Variants in RAPH1 observed in about 807,000 individuals in gnomAD.
The protein encoded by RAPH1 is Ras association (RalGDS/AF-6) and pleckstrin homology domains 1, also known as ras-associated and pleckstrin homology domains-containing protein 1.
In RAPH1, 18 loss-of-function variants were observed where a neutral mutation model predicts 88.1. The observed-to-expected ratio is 0.20, with a 90% CI of 0.14 to 0.30. The LOEUF (loss-of-function observed/expected upper bound fraction) is 0.30. Ranked by LOEUF, RAPH1 falls within the 10% of genes least tolerant of loss-of-function variation. The pLI is 1.00. For missense variants in RAPH1, 1,448 were observed against 1,543.2 expected (o/e 0.94, Z 1.03); for synonymous variants, 587 against 559.0 (o/e 1.05, Z -0.71).
intron 4 of RAPH1, chr2:203,470,429 C>A: frequency 1.7e-6 from 1 of 579,456 alleles, no homozygotes; most frequent in Non-Finnish European, 3.0e-6. Context: ...TAATTAATCT[C>A]ATATCTTTTC....
At chr2:203,483,162 AG>A (rs1418888204) in intron 4 of RAPH1, among the ~76,000 whole-genome samples, 4 of 152,208 alleles carry the variant, frequency 2.6e-5, no homozygotes, top group African/African-American at 9.6e-5. Context: ...TGAGATGCAA[AG>A]CCTTTAGGTT....
intron 2 of RAPH1, among the ~76,000 whole-genome samples, chr2:203,494,624 C>T (rs1197507246): frequency 6.6e-6 from 1 of 151,882 alleles, no homozygotes; most frequent in East Asian, 1.9e-4. Flanking sequence ...CTGGCTAACA[C>T]AGTGAAACCC....
At chr2:203,449,982 C>G (rs377671123) in intron 10 of RAPH1, among the ~76,000 whole-genome samples, 1 of 148,444 alleles carries the variant, frequency 6.7e-6, no homozygotes. Context: ...AAGATCGTGC[C>G]ACCGCACTCC....
chr2:203,455,087 A>C (rs534763471), intron 9 of RAPH1, among the ~76,000 whole-genome samples: 16 of 152,308 alleles, frequency 1.1e-4, no homozygotes, highest in East Asian at 7.7e-4. Flanking sequence ...TTAGCAGAAG[A>C]AGCATATTAC....
In RAPH1 at chr2:203,505,306, C is replaced by T. The variant is rs146013121; in HGVS notation, c.1-9953G>A. On this transcript the variant is annotated intron_variant, in intron 1 of 13. Coordinates refer to ENST00000319170, the MANE Select transcript of RAPH1 (RefSeq NM_213589.3). The stretch of plus-strand genomic sequence containing the variant: ...GAATCATGGTGGGAGGCAAAAGGCA[C>T]TTCTTACATGGCGGTGGCAAGAGAA... Among the ~76,000 whole-genome samples, 118 of 152,252 alleles carry T rather than the reference C, an allele frequency of 7.8e-4. 1 individual carries two copies. Among genetic ancestry groups the T allele is most frequent in the Middle Eastern group, 3.4e-3 (1 of 294 alleles).
chr2:203,450,897 G>GTT (rs561396388), intron 10 of RAPH1, among the ~76,000 whole-genome samples: 18 of 141,932 alleles, frequency 1.3e-4, no homozygotes, highest in African/African-American at 1.5e-4. Flanking sequence ...CAAAAAGAGG[G>GTT]TTTTTTTTTT....
At chr2:203,506,886 A>C (rs1301274801) in intron 1 of RAPH1, among the ~76,000 whole-genome samples, 1 of 101,988 alleles carries the variant, frequency 9.8e-6, no homozygotes, top group South Asian at 2.6e-4. Context: ...ATATAGATAT[A>C]TATATATATA....
At chr2:203,517,270 T>C (rs1689656589) in intron 1 of RAPH1, among the ~76,000 whole-genome samples, 1 of 147,772 alleles carries the variant, frequency 6.8e-6, no homozygotes, top group Non-Finnish European at 1.5e-5. Context: ...AAGAAGGGTA[T>C]TACATAATGA....
At chr2:203,533,021 G>A (rs1690453463) in intron 1 of RAPH1, among the ~76,000 whole-genome samples, 1 of 152,136 alleles carries the variant, frequency 6.6e-6, no homozygotes, top group South Asian at 2.1e-4. Flanking sequence ...AATCTAGTAA[G>A]TATTTATGGG....
chr2:203,467,361 C>T (rs1300988222), intron 4 of RAPH1, among the ~76,000 whole-genome samples: 8 of 151,844 alleles, frequency 5.3e-5, no homozygotes, highest in African/African-American at 1.9e-4. Context: ...GAGGCTGAGG[C>T]GGGCAGATCA....
intron 1 of RAPH1, among the ~76,000 whole-genome samples, chr2:203,496,495 T>C (rs1031543435): frequency 1.3e-5 from 2 of 152,198 alleles, no homozygotes; most frequent in Non-Finnish European, 2.9e-5. Context: ...ATTTCAATAT[T>C]AAAGGCCCTG....
At chr2:203,501,397 T>TGA (rs1428761408) in intron 1 of RAPH1, among the ~76,000 whole-genome samples, 5 of 152,240 alleles carry the variant, frequency 3.3e-5, no homozygotes, top group Admixed American at 2.0e-4. Flanking sequence ...AGTTCTGCTG[T>TGA]GAATGAAGTG....
chr2:203,455,698 CAAGCTGCTA>C, intron 8 of RAPH1, 118 bp from the exon 9 acceptor site: 1 of 936,436 alleles, frequency 1.1e-6, no homozygotes, highest in Non-Finnish European at 1.6e-6. Flanking sequence ...ATATTAAAAC[CAAGCTGCTA>C]ATTTAACCTC....
At chr2:203,500,847 C>A (rs1472790543) in intron 1 of RAPH1, among the ~76,000 whole-genome samples, 1 of 152,172 alleles carries the variant, frequency 6.6e-6, no homozygotes, top group African/African-American at 2.4e-5. Flanking sequence ...CATTAACACA[C>A]CCCAATTATT....
chr2:203,506,846 C>CTATA (rs1277788456), intron 1 of RAPH1, among the ~76,000 whole-genome samples: 24 of 66,452 alleles, frequency 3.6e-4, no homozygotes, highest in African/African-American at 1.2e-3. Context: ...ATCTATATAT[C>CTATA]TATCTATATC....
chr2:203,526,694 G>A (rs1217575433), intron 1 of RAPH1, among the ~76,000 whole-genome samples: 3 of 102,996 alleles, frequency 2.9e-5, no homozygotes, highest in Admixed American at 1.3e-4. Flanking sequence ...AGATAGGAGC[G>A]AAACTCTGTC....
Position 203,448,376 on chromosome 2 carries a change from T to C in RAPH1, c.1513-297A>G, listed in dbSNP as rs1342778301. 6.6e-6 allele frequency among the ~76,000 whole-genome samples: 1 copy of C among 152,200 alleles called. No homozygotes were observed. Among genetic ancestry groups the C allele is most frequent in the East Asian group, 1.9e-4 (1 of 5,206 alleles). ...TTTTTAGCACTCTTCAGGATACTGC[T>C]CCAAATGTGGTTGGTAAATGATCAT... On this transcript the variant is annotated intron_variant, in intron 11 of 13. Coordinates refer to ENST00000319170, the MANE Select transcript of RAPH1 (RefSeq NM_213589.3). This position sits in a 1 kb window ranked among gnomAD's most constrained non-coding sequence, Gnocchi z 4.1.
chr2:203,524,329 A>G (rs1403073786), intron 1 of RAPH1, among the ~76,000 whole-genome samples: 4 of 152,170 alleles, frequency 2.6e-5, no homozygotes, highest in African/African-American at 9.7e-5. Context: ...ATGCTGTTGG[A>G]TATAAAATGA....
At chr2:203,462,697 A>C (rs2098525103) in intron 4 of RAPH1, among the ~76,000 whole-genome samples, 1 of 152,182 alleles carries the variant, frequency 6.6e-6, no homozygotes, top group Admixed American at 6.5e-5. Flanking sequence ...AAAAATTATA[A>C]CTAAAAATAT....
Sources: allele counts gnomAD v4.1 joint callset (sites outside exome capture counted in the v4.1 genomes callset), GRCh38; gene constraint gnomAD v4.1.1; non-coding constraint Gnocchi (gnomAD v3.1); transcripts MANE v1.5; gene names NCBI Gene and HGNC (gene_info 2026-07-23, HGNC 2026-07-21).